Variants in ATCAY observed in about 807,000 individuals in gnomAD.
The protein encoded by ATCAY is ATCAY kinesin light chain interacting caytaxin.
Under a neutral mutation model 47.7 loss-of-function variants are expected in ATCAY, and 22 were observed. The ratio of observed to expected loss-of-function variants is 0.46; its 90% CI spans 0.33 to 0.66. The LOEUF (loss-of-function observed/expected upper bound fraction) is 0.66. Ranked by LOEUF, ATCAY falls within the 30% of genes least tolerant of loss-of-function variation. The pLI is 0.02. For synonymous variants in ATCAY, 216 were observed against 207.6 expected (o/e 1.04, Z -0.35); for missense variants, 452 against 515.0 (o/e 0.88, Z 1.18).
chr19:3,910,753 C>A (rs2145252698), intron 7 of ATCAY, 50 bp from the exon 8 acceptor site: 2 of 1,596,812 alleles, frequency 1.3e-6, no homozygotes, highest in African/African-American at 1.3e-5. Context: ...TCCTCCCTCC[C>A]CAGGGCTCGC....
intron 12 of ATCAY, chr19:3,922,036 G>A (rs1050114898): frequency 4.6e-5 from 30 of 650,106 alleles, no homozygotes; most frequent in Non-Finnish European, 8.3e-5. Context: ...TCCCAGCAGG[G>A]ATGTGTGGCA....
At position 3,909,457 on chromosome 19, in the gene ATCAY, GGTCCCT is replaced by G. The variant is rs2038903629; in HGVS notation, c.648-27_648-22del. ...CCTGACCCTGGACCCCTCCATGTTG[GGTCCCT>G]GCCTTCTGTGCCCCGTGAGCAGGTA... On this transcript the variant is annotated intron_variant, in intron 6 of 12. Coordinates refer to ENST00000450849, the MANE Select transcript of ATCAY (RefSeq NM_033064.5). The G allele has an allele frequency of 1.9e-6, 3 of 1,607,278 alleles. No homozygotes were observed. The Admixed American group carries it at 5.0e-5, about 27-fold the overall frequency.
chr19:3,913,374 G>A (rs766643888), intron 8 of ATCAY, among the ~76,000 whole-genome samples: 3 of 152,132 alleles, frequency 2.0e-5, no homozygotes, highest in African/African-American at 4.8e-5. Context: ...CGTCCTGTGC[G>A]GTGACATGGA....
intron 1 of ATCAY, among the ~76,000 whole-genome samples, chr19:3,881,265 G>A (rs796172423): frequency 4.6e-5 from 7 of 151,980 alleles, no homozygotes; most frequent in African/African-American, 1.7e-4. Flanking sequence ...TTCAGGACAC[G>A]CTGAGAGCTC....
rs1430212973 is a variant in ATCAY, at chr19:3,908,259, T to C, written c.545-9T>C. ...ACTCTGACGTTGCCGATCGGCTGCC[T>C]CTCCTCAGGGTACTACGGCGAAGGC... is the stretch of plus-strand genomic sequence containing the variant. On this transcript the variant is annotated splice_polypyrimidine_tract_variant and intron_variant, in intron 5 of 12. Coordinates refer to ENST00000450849, the MANE Select transcript of ATCAY (RefSeq NM_033064.5). The C allele has an allele frequency of 1.9e-6, 3 of 1,567,524 alleles. No homozygotes were observed. Among genetic ancestry groups the C allele is most frequent in the Admixed American group, 3.8e-5 (2 of 53,090 alleles).
Position 3,910,132 on chromosome 19 carries a change from C to T in ATCAY, c.779+515C>T, listed in dbSNP as rs141629921. 1.2e-3 allele frequency among the ~76,000 whole-genome samples: 181 copies of T among 152,152 alleles called. 2 individuals carry two copies. The highest frequency in any genetic ancestry group is 3.8e-3 in the African/African-American group (158 of 41,506). ...TATTCCTTCTCCCCAGGCTCCGGCA[C>T]CCCCCATCCTACTTTCTGTCTCTGT... is the stretch of plus-strand genomic sequence containing the variant. On this transcript the variant is annotated intron_variant, in intron 7 of 12. Coordinates refer to ENST00000450849, the MANE Select transcript of ATCAY (RefSeq NM_033064.5).
intron 2 of ATCAY, among the ~76,000 whole-genome samples, chr19:3,886,088 G>C (rs1204726662): frequency 6.6e-6 from 1 of 152,172 alleles, no homozygotes; most frequent in Non-Finnish European, 1.5e-5. Context: ...AATGATTTAA[G>C]ATTCATTTCT....
chr19:3,924,448 G>A, intron 12 of ATCAY, 135 bp from the exon 13 acceptor site: 1 of 1,046,220 alleles, frequency 9.6e-7, no homozygotes, highest in Non-Finnish European at 1.5e-6. Flanking sequence ...GCCCTGAAGG[G>A]CATGTGCCAC....
intron 2 of ATCAY, among the ~76,000 whole-genome samples, chr19:3,887,665 T>TA (rs2038672022): frequency 6.6e-6 from 1 of 150,536 alleles, no homozygotes; most frequent in Non-Finnish European, 1.5e-5. Flanking sequence ...TTTTTGTATT[T>TA]TTAGTAGAGA....
intron 2 of ATCAY, chr19:3,893,749 C>T (rs939183007): frequency 2.6e-5 from 4 of 152,314 alleles, no homozygotes; most frequent in Non-Finnish European, 5.9e-5. Context: ...GTCGGCTTCT[C>T]CAGTTCTGCA....
chr19:3,899,810 T>G lies in ATCAY; in HGVS notation c.78-2677T>G, dbSNP rs967899278. Among the ~76,000 whole-genome samples the G allele has an allele frequency of 9.2e-4, 140 of 152,210 alleles. 1 individual carries two copies. Among genetic ancestry groups the G allele is most frequent in the Non-Finnish European group, 1.7e-3 (113 of 67,994 alleles). On this transcript the variant is annotated intron_variant, in intron 2 of 12. Transcript: ENST00000450849. ...AAATGTTCTGCCCGGAATGGAATAT[T>G]TCCCAGGGTAGCCAAGGAGCCAGTG...
intron 2 of ATCAY, among the ~76,000 whole-genome samples, chr19:3,894,629 A>C (rs2038749942): frequency 6.8e-6 from 1 of 146,524 alleles, no homozygotes; most frequent in Non-Finnish European, 1.5e-5. Flanking sequence ...TGTCTGCAAA[A>C]AAAAAAAAAA....
chr19:3,905,561 T>G lies in ATCAY; in HGVS notation c.264T>G (p.Pro88=). ...SLLSDDFLDT[P]DDLDINVDDI... is the part of the protein sequence containing the mutation. ...TGTCCGATGACTTCTTGGATACCCCTGATGACCTGGATATTAACGTGGATG... is the reference window on the plus strand; with the variant it reads ...TGTCCGATGACTTCTTGGATACCCCGGATGACCTGGATATTAACGTGGATG... The change falls in exon 4 of 13, where the codon CCT becomes CCG. Residue 88 remains proline, a synonymous_variant. Transcript: ENST00000450849. 1 of 1,613,910 alleles carries G rather than the reference T, an allele frequency of 6.2e-7. No individual in the cohort carries two copies. Among genetic ancestry groups the G allele is most frequent in the Non-Finnish European group, 8.5e-7 (1 of 1,179,888 alleles).
chr19:3,884,356 A>G (rs1180505069), intron 1 of ATCAY, among the ~76,000 whole-genome samples: 3 of 152,118 alleles, frequency 2.0e-5, no homozygotes, highest in African/African-American at 7.2e-5. Context: ...TTCTAACCCC[A>G]GTCTCTTTCC....
intron 1 of ATCAY, among the ~76,000 whole-genome samples, chr19:3,885,109 T>TAAAAAAAA (rs34258948): frequency 2.8e-5 from 2 of 70,326 alleles, no homozygotes; most frequent in Non-Finnish European, 5.1e-5. Context: ...TTTTTTTTTT[T>TAAAAAAAA]AAAAAAAAAA....
At chr19:3,912,208 C>G (rs1335106849) in intron 8 of ATCAY, among the ~76,000 whole-genome samples, 1 of 152,162 alleles carries the variant, frequency 6.6e-6, no homozygotes, top group Non-Finnish European at 1.5e-5. Context: ...CGCCATGGCT[C>G]ACACCTGTAA....
In ATCAY at chr19:3,924,995, G is replaced by A. The variant is rs915377888; in HGVS notation, c.*403G>A. ...CTTGCTTGTCACCCGCTCCAGGTTG[G>A]AGCCACAGACACCCACCGCCACCCC... On this transcript the variant is annotated 3_prime_UTR_variant, in exon 13 of 13. Coordinates refer to ENST00000450849, the MANE Select transcript of ATCAY (RefSeq NM_033064.5). 5.2e-5 allele frequency: 9 copies of A among 174,720 alleles called. No homozygotes were observed. Among genetic ancestry groups the A allele is most frequent in the African/African-American group, 2.1e-4 (9 of 42,076 alleles). The allele number at this position is 174,720 out of a possible 1,614,324, so 10.8% of individuals were successfully genotyped here. A position where few individuals can be genotyped will look rare whatever the true frequency, so the allele number is the denominator to read the frequency against.
intron 9 of ATCAY, among the ~76,000 whole-genome samples, chr19:3,915,717 ATT>A (rs58629412): frequency 0.041 from 4,435 of 108,896 alleles, 282 homozygotes; most frequent in African/African-American, 0.15. Flanking sequence ...TGCCCAGCTA[ATT>A]TTTTTTTTTT....
At chr19:3,911,021 G>T in intron 8 of ATCAY, 132 bp downstream of exon 8, 2 of 980,150 alleles carry the variant, frequency 2.0e-6, no homozygotes, top group African/African-American at 3.2e-5. Context: ...GCATCCATGT[G>T]TGTGTTTGAT....
Sources: allele counts gnomAD v4.1 joint callset (sites outside exome capture counted in the v4.1 genomes callset), GRCh38; gene constraint gnomAD v4.1.1; transcripts MANE v1.5; gene names NCBI Gene and HGNC (gene_info 2026-07-23, HGNC 2026-07-21).